The following GALNT16 variants were observed in gnomAD, a reference collection of about 807,000 sequenced individuals.
GALNT16 encodes UDP-GalNAc:polypeptide N-acetylgalactosaminyltransferase-like protein 1.
A neutral mutation model predicts 76.1 loss-of-function variants in GALNT16; 40 were observed. The ratio of observed to expected loss-of-function variants is 0.53; its 90% CI spans 0.41 to 0.68. The LOEUF (loss-of-function observed/expected upper bound fraction) is 0.68, where lower values mean the gene tolerates loss of function less well. Among genes scored for constraint, GALNT16 ranks in the 30% least tolerant of loss-of-function variants. The probability of loss-of-function intolerance (pLI) is 0.00; values close to 1 mark genes in which losing one functional copy is unlikely to be tolerated. For missense variants in GALNT16, 621 were observed against 731.9 expected (o/e 0.85, Z 1.75); for synonymous variants, 276 against 285.2 (o/e 0.97, Z 0.32).
intron 1 of GALNT16, among the ~76,000 whole-genome samples, chr14:69,281,389 A>T (rs1211710815): frequency 1.3e-5 from 2 of 152,148 alleles, no homozygotes; most frequent in Non-Finnish European, 2.9e-5. Flanking sequence ...CAGGCATATA[A>T]AGACGGGGAG....
downstream of GALNT16, chr14:69,358,906 G>A (rs2045708385): frequency 6.6e-6 from 1 of 152,242 alleles, no homozygotes; most frequent in South Asian, 2.1e-4. Context: ...CGTGTAGTGC[G>A]AAGTTGCTTT....
intron 1 of GALNT16, among the ~76,000 whole-genome samples, chr14:69,296,865 C>T (rs938306919): frequency 2.0e-5 from 3 of 152,152 alleles, no homozygotes; most frequent in Admixed American, 1.3e-4. Context: ...TCACCTTTTA[C>T]ACAAAAGGTA....
Position 69,312,054 on chromosome 14 carries a change from AAT to A in GALNT16, c.178-8656_178-8655del, listed in dbSNP as rs1491126275. ...TCCTGTTTCTAAAAAAAAAAAAAAAAATCTGTCTATCTATCTATCTATCTATC... is the reference window on the plus strand; with the variant it reads ...TCCTGTTTCTAAAAAAAAAAAAAAAACTGTCTATCTATCTATCTATCTATC... On this transcript the variant is annotated intron_variant, in intron 1 of 14. Coordinates refer to ENST00000448469, the MANE Select transcript of GALNT16 (RefSeq NM_001168368.2). Among the ~76,000 whole-genome samples, 5 of 125,756 alleles carry A rather than the reference AAT, an allele frequency of 4.0e-5. 1 individual carries two copies. The highest frequency in any genetic ancestry group is 1.5e-4 in the African/African-American group (5 of 32,898). 82.5% of individuals were successfully genotyped at this position (125,756 alleles called of 152,430 possible).
chr14:69,357,579 G>C (rs982307658), downstream of GALNT16: 1 of 152,224 alleles, frequency 6.6e-6, no homozygotes, highest in African/African-American at 2.4e-5. Flanking sequence ...TAGTTGGTAC[G>C]GGAATTAGTG....
chr14:69,382,161 G>A, the GALNT16 span, among the ~76,000 whole-genome samples: 1 of 152,282 alleles, frequency 6.6e-6, no homozygotes, highest in East Asian at 1.9e-4. Context: ...AAATTCCAAA[G>A]TAGGAATGCT....
At chr14:69,290,791 T>C (rs2044678601) in intron 1 of GALNT16, among the ~76,000 whole-genome samples, 1 of 152,218 alleles carries the variant, frequency 6.6e-6, no homozygotes, top group Non-Finnish European at 1.5e-5. Flanking sequence ...AAATGCTATT[T>C]CAGCCTTAAA....
chr14:69,301,233 C>A (rs1470080343), intron 1 of GALNT16, among the ~76,000 whole-genome samples: 1 of 152,158 alleles, frequency 6.6e-6, no homozygotes, highest in Admixed American at 6.5e-5. Flanking sequence ...GTGCTTTTTT[C>A]CTGAGGAAAG....
chr14:69,362,245 T>C, the GALNT16 span, among the ~76,000 whole-genome samples: 1 of 152,180 alleles, frequency 6.6e-6, no homozygotes, highest in South Asian at 2.1e-4. Flanking sequence ...CAGGGGTATT[T>C]GTTCCCAATG....
chr14:69,363,602 T>A, the GALNT16 span, among the ~76,000 whole-genome samples: 6 of 152,206 alleles, frequency 3.9e-5, no homozygotes, highest in Admixed American at 1.3e-4. Context: ...CCCCAGTTCC[T>A]TGAGGAAGAA....
chr14:69,277,225 C>T (rs1432245433), intron 1 of GALNT16, among the ~76,000 whole-genome samples: 1 of 152,136 alleles, frequency 6.6e-6, no homozygotes, highest in Non-Finnish European at 1.5e-5. Context: ...ATATTTTCTC[C>T]TTTTTTTATT....
At chr14:69,370,234 T>C in the GALNT16 span, among the ~76,000 whole-genome samples, 1 of 152,220 alleles carries the variant, frequency 6.6e-6, no homozygotes, top group Non-Finnish European at 1.5e-5. Context: ...ATAGCAGAGC[T>C]ACCTCGGGCT....
At chr14:69,373,944 C>T in the GALNT16 span, among the ~76,000 whole-genome samples, 1 of 152,130 alleles carries the variant, frequency 6.6e-6, no homozygotes, top group Admixed American at 6.6e-5. Context: ...CCACACCCAG[C>T]TAATTTTTGC....
intron 1 of GALNT16, among the ~76,000 whole-genome samples, chr14:69,271,207 A>G (rs1040370902): frequency 6.6e-6 from 1 of 152,150 alleles, no homozygotes; most frequent in Non-Finnish European, 1.5e-5. Flanking sequence ...CAGAGAACAC[A>G]GCGTCACCCA....
the GALNT16 span, among the ~76,000 whole-genome samples, chr14:69,372,954 T>C: frequency 6.6e-6 from 1 of 152,194 alleles, no homozygotes; most frequent in Admixed American, 6.5e-5. Flanking sequence ...ATGAGCATTG[T>C]GGTAATCCTT....
chr14:69,384,903 T>C, the GALNT16 span, among the ~76,000 whole-genome samples: 2 of 152,204 alleles, frequency 1.3e-5, no homozygotes, highest in Non-Finnish European at 2.9e-5. Flanking sequence ...AGTCTTTTCC[T>C]CTAATGATCT....
chr14:69,343,638 C>G (rs2045523412), intron 12 of GALNT16, among the ~76,000 whole-genome samples: 1 of 152,212 alleles, frequency 6.6e-6, no homozygotes, highest in South Asian at 2.1e-4. Context: ...GAAAAAAGAG[C>G]AGTCACTTCT....
At chr14:69,380,547 A>G in the GALNT16 span, 1 of 1,497,552 alleles carries the variant, frequency 6.7e-7, no homozygotes, top group South Asian at 1.1e-5. Flanking sequence ...ATTATTTCCC[A>G]GCCTGTTGGG....
chr14:69,260,087 A>C, upstream of GALNT16: 16 of 523,856 alleles, frequency 3.1e-5, no homozygotes, highest in East Asian at 6.9e-5. Context: ...TCGGGGCTGA[A>C]GGGCATTAGG....
At chr14:69,329,344 G>A (rs1045848175) in intron 6 of GALNT16, among the ~76,000 whole-genome samples, 6 of 152,064 alleles carry the variant, frequency 3.9e-5, no homozygotes, top group South Asian at 2.1e-4. Context: ...GCAACTGAGC[G>A]AGACTCCATC....
Sources: allele counts gnomAD v4.1 joint callset (sites outside exome capture counted in the v4.1 genomes callset), GRCh38; gene constraint gnomAD v4.1.1; transcripts MANE v1.5; gene names NCBI Gene and HGNC (gene_info 2026-07-23, HGNC 2026-07-21).